The following PCM1 variants were observed in gnomAD, a reference collection of about 807,000 sequenced individuals.
The protein encoded by PCM1 is pericentriolar material 1 protein.
PCM1 carries 157 observed loss-of-function variants against 241.9 expected under a neutral mutation model. The observed-to-expected ratio is 0.65, with a 90% CI of 0.57 to 0.74. The LOEUF is 0.74. PCM1 is among the 30% of genes least tolerant of loss of function. The pLI, the probability that PCM1 is intolerant of heterozygous loss-of-function variation, is 0.00. For missense variants in PCM1, 3,478 were observed against 2,360.1 expected (o/e 1.47, Z -9.81); for synonymous variants, 1,085 against 784.9 (o/e 1.38, Z -6.39).
chr8:17,960,259 T>C, intron 14 of PCM1, 56 bp from the exon 15 acceptor site: 1 of 1,570,824 alleles, frequency 6.4e-7, no homozygotes, highest in Non-Finnish European at 8.6e-7. Flanking sequence ...ATGTTGTGCC[T>C]AATGCTTCAT....
rs2094420585 is a variant in PCM1, at chr8:18,029,801, C to A, written c.*2139C>A. ...ACAGATAGATAGAGGGAGAAAAGTT[C>A]AAAATGAGTGAGAGAGAACTTTATG... On this transcript the variant is annotated 3_prime_UTR_variant, in exon 39 of 39. Coordinates refer to ENST00000325083, the MANE Select transcript of PCM1 (RefSeq NM_006197.4). 1.5e-5 allele frequency: 3 copies of A among 196,354 alleles called. No homozygotes were observed. In the East Asian group the frequency reaches 2.4e-4, roughly 16 times the overall value. 12.2% of individuals were successfully genotyped at this position (196,354 alleles called of 1,614,324 possible).
chr8:17,992,871 C>G (rs755606854), intron 28 of PCM1, among the ~76,000 whole-genome samples: 1 of 151,712 alleles, frequency 6.6e-6, no homozygotes, highest in Non-Finnish European at 1.5e-5. Flanking sequence ...CCCACCTCAG[C>G]CTCCCAATGT....
At position 18,006,275 on chromosome 8, in the gene PCM1, G is replaced by A. The variant is rs779160020; in HGVS notation, c.4840G>A (p.Glu1614Lys). ...VIPFLKEHMDEVCSSQLLTSV... is the reference protein window; with the variant it reads ...VIPFLKEHMDKVCSSQLLTSV... Reference sequence around the variant, plus strand: ...GGATTTTTCTCAGGAGCACATGGATGAAGTATGCTCCTCGCAGCTTCTAAC... The same window carrying A: ...GGATTTTTCTCAGGAGCACATGGATAAAGTATGCTCCTCGCAGCTTCTAAC... Residue 1614 changes from glutamate (E) to lysine (K), a missense_variant, in exon 30 of 39, where the codon GAA becomes AAA. Glu to Lys is a moderately conservative substitution (Grantham distance 56). Transcript: ENST00000325083. 2 of 1,608,120 alleles carry A rather than the reference G, an allele frequency of 1.2e-6. No homozygotes were observed. Among genetic ancestry groups the A allele is most frequent in the East Asian group, 2.2e-5 (1 of 44,794 alleles).
Position 17,957,289 on chromosome 8 carries a change from A to G in PCM1, c.1672A>G (p.Asn558Asp), listed in dbSNP as rs773144351. ...IRNPQVASTW[N>D]EVNSHSNAQC... ...AAATCCACAAGTAGCTTCCACTTGGAATGAAGTAAATAGTCATAGTAATGC... is the reference window on the plus strand; with the variant it reads ...AAATCCACAAGTAGCTTCCACTTGGGATGAAGTAAATAGTCATAGTAATGC... Residue 558 changes from asparagine (N) to aspartate (D), a missense_variant, in exon 12 of 39, where the codon AAT (asparagine) becomes GAT (aspartate). Transcript: ENST00000325083. 1.3e-6 allele frequency: 2 copies of G among 1,596,878 alleles called. No individual in the cohort carries two copies. The highest frequency in any genetic ancestry group is 4.5e-5 in the East Asian group (2 of 44,554).
At chr8:17,950,206 C>T (rs1036201860) in intron 7 of PCM1, among the ~76,000 whole-genome samples, 11 of 152,162 alleles carry the variant, frequency 7.2e-5, no homozygotes, top group African/African-American at 2.2e-4. Context: ...CAAAGTTTGC[C>T]AGCCCCTCTA....
At chr8:17,937,443 A>G (rs1441293478) in intron 4 of PCM1, 64 bp downstream of exon 4, 2 of 1,365,512 alleles carry the variant, frequency 1.5e-6, no homozygotes, top group African/African-American at 1.5e-5. Flanking sequence ...GGATTAAATA[A>G]TTTGTCTTAG....
Position 17,938,815 on chromosome 8 carries a change from C to T in PCM1, c.418C>T (p.Pro140Ser), listed in dbSNP as rs766835124. 6.2e-7 allele frequency: 1 copy of T among 1,612,928 alleles called. No individual in the cohort carries two copies. The highest frequency in any genetic ancestry group is 1.1e-5 in the South Asian group (1 of 91,074). ...NKRQLSENRK[P>S]FNFLPMQINT... The stretch of plus-strand genomic sequence containing the variant: ...ACGTCAGCTTAGTGAAAACCGAAAG[C>T]CCTTCAACTTTTTGCCTATGCAGAT... Residue 140 changes from proline (P) to serine (S), a missense_variant, in exon 5 of 39, where the codon CCC (proline) becomes TCC (serine). Physicochemically the swap from Pro to Ser is moderately conservative, Grantham distance 74. Transcript: ENST00000325083.
chr8:17,975,401 G>A (rs1410796081), intron 23 of PCM1, among the ~76,000 whole-genome samples: 1 of 152,088 alleles, frequency 6.6e-6, no homozygotes, highest in Non-Finnish European at 1.5e-5. Flanking sequence ...GATCTCAGGT[G>A]ATCCACCCCC....
At chr8:17,932,770 CA>C (rs2059404552) in intron 2 of PCM1, among the ~76,000 whole-genome samples, 1 of 151,902 alleles carries the variant, frequency 6.6e-6, no homozygotes, top group South Asian at 2.1e-4. Flanking sequence ...AAAAACCATT[CA>C]ATTTTCTTGT....
chr8:18,018,578 C>T (rs1000196058), intron 36 of PCM1, among the ~76,000 whole-genome samples: 5 of 151,798 alleles, frequency 3.3e-5, no homozygotes, highest in Non-Finnish European at 7.4e-5. Flanking sequence ...TTTGGGAGGC[C>T]GAGGCGGGCG....
At chr8:18,027,012 C>T (rs1484756610) in intron 38 of PCM1, among the ~76,000 whole-genome samples, 1 of 152,180 alleles carries the variant, frequency 6.6e-6, no homozygotes, top group East Asian at 1.9e-4. Context: ...AATAACACAG[C>T]TCTGGAGCCA....
chr8:18,005,516 A>G (rs559212438), intron 29 of PCM1, among the ~76,000 whole-genome samples: 107 of 152,208 alleles, frequency 7.0e-4, no homozygotes, highest in African/African-American at 1.2e-3. Flanking sequence ...ATTTGCTTAA[A>G]TGGATTTAGT....
chr8:17,931,108 T>C (rs1022394563), intron 2 of PCM1, among the ~76,000 whole-genome samples: 3 of 152,144 alleles, frequency 2.0e-5, no homozygotes, highest in African/African-American at 4.8e-5. Flanking sequence ...TAAAAAATAC[T>C]AAAAAAATCA....
At chr8:17,983,317 A>C (rs1052860693) in intron 24 of PCM1, 2 of 1,303,200 alleles carry the variant, frequency 1.5e-6, no homozygotes, top group East Asian at 4.2e-5. Flanking sequence ...TTTGGTGTCC[A>C]CTTTTTGTTA....
intron 21 of PCM1, among the ~76,000 whole-genome samples, chr8:17,968,756 GTGTGTGTA>G (rs1485564071): frequency 3.1e-5 from 4 of 130,736 alleles, no homozygotes; most frequent in Admixed American, 1.5e-4. Flanking sequence ...GTGTGTGTGT[GTGTGTGTA>G]TATATATATA....
intron 6 of PCM1, among the ~76,000 whole-genome samples, chr8:17,944,580 C>G (rs1433716304): frequency 6.6e-6 from 1 of 151,910 alleles, no homozygotes; most frequent in Non-Finnish European, 1.5e-5. Flanking sequence ...GTGAAAGTGA[C>G]TTTTTCAAAA....
intron 36 of PCM1, among the ~76,000 whole-genome samples, chr8:18,017,962 T>C (rs931891073): frequency 6.6e-6 from 1 of 152,056 alleles, no homozygotes; most frequent in Non-Finnish European, 1.5e-5. Context: ...TAAACAAACA[T>C]GGGGAGGAAA....
intron 28 of PCM1, among the ~76,000 whole-genome samples, chr8:17,992,319 T>A (rs1166230587): frequency 6.6e-6 from 1 of 152,220 alleles, no homozygotes; most frequent in African/African-American, 2.4e-5. Context: ...GGAATCTTCA[T>A]ACTGTTTTCC....
In PCM1 at chr8:17,950,634, T is replaced by C; in HGVS notation, c.981T>C (p.Gly327=). ...MDDSVVAETA[G]SLSGVSITSE... is the part of the protein sequence containing the mutation. ...TTCCAGTTGTTGCAGAAACTGCAGGTAGCTTATCTGGCGTCAGTATCACAT... is the reference window on the plus strand; with the variant it reads ...TTCCAGTTGTTGCAGAAACTGCAGGCAGCTTATCTGGCGTCAGTATCACAT... Residue 327 remains glycine, a synonymous_variant, in exon 8 of 39, where the codon GGT becomes GGC. Coordinates refer to ENST00000325083, the MANE Select transcript of PCM1 (RefSeq NM_006197.4). 1 of 1,598,980 alleles carries C rather than the reference T, an allele frequency of 6.3e-7. No individual in the cohort carries two copies. The highest frequency in any genetic ancestry group is 2.2e-5 in the East Asian group (1 of 44,686).
Sources: allele counts gnomAD v4.1 joint callset (sites outside exome capture counted in the v4.1 genomes callset), GRCh38; gene constraint gnomAD v4.1.1; transcripts MANE v1.5; gene names NCBI Gene and HGNC (gene_info 2026-07-23, HGNC 2026-07-21).